Variants in CDCA2 observed in about 807,000 individuals in gnomAD.
CDCA2 encodes cell division cycle-associated protein 2.
CDCA2 carries 44 observed loss-of-function variants against 67.0 expected under a neutral mutation model. The ratio of observed to expected loss-of-function variants is 0.66; its 90% CI spans 0.52 to 0.84. CDCA2 has a LOEUF of 0.84. CDCA2 is among the 40% of genes least tolerant of loss of function. CDCA2 has a pLI of 0.00. For missense variants in CDCA2, 1,253 were observed against 1,203.2 expected (o/e 1.04, Z -0.61); for synonymous variants, 447 against 418.7 (o/e 1.07, Z -0.82).
chr8:25,507,289 G>C lies in CDCA2; in HGVS notation c.2623G>C (p.Asp875His). ...ENSELFKDLS[D>H]AIEQTFQRRN... is the part of the protein sequence containing the mutation. ...TTCTGAACTGTTTAAAGATTTGTCT[G>C]ATGCCATTGAGCAAACCTTTCAGAG... The change falls in exon 15 of 15, where the codon GAT becomes CAT. Residue 875 changes from aspartate (D) to histidine (H), a missense_variant. By Grantham distance (81) the Asp-to-His change is moderately conservative. Coordinates refer to ENST00000330560, the MANE Select transcript of CDCA2 (RefSeq NM_152562.4). The C allele has an allele frequency of 1.2e-6, 2 of 1,614,164 alleles. No homozygotes were observed. The highest frequency in any genetic ancestry group is 1.3e-5 in the African/African-American group (1 of 75,068).
intron 13 of CDCA2, among the ~76,000 whole-genome samples, chr8:25,499,109 G>A (rs1253864450): frequency 1.1e-4 from 16 of 151,934 alleles, no homozygotes; most frequent in African/African-American, 3.6e-4. Flanking sequence ...TACTTTTTGG[G>A]TGTTTGAAAT....
intron 13 of CDCA2, among the ~76,000 whole-genome samples, chr8:25,501,254 A>G (rs1355157346): frequency 1.3e-5 from 2 of 152,184 alleles, no homozygotes; most frequent in Non-Finnish European, 2.9e-5. Context: ...TTTCCGTGGA[A>G]TGTTTTGTTT....
At chr8:25,464,177 G>A (rs1258532903) in intron 4 of CDCA2, among the ~76,000 whole-genome samples, 4 of 152,216 alleles carry the variant, frequency 2.6e-5, no homozygotes, top group Admixed American at 2.6e-4. Flanking sequence ...ACTTTGAGAA[G>A]CAAAGGAGGG....
intron 7 of CDCA2, among the ~76,000 whole-genome samples, chr8:25,477,601 T>C (rs550219558): frequency 6.6e-5 from 10 of 152,320 alleles, no homozygotes; most frequent in African/African-American, 2.4e-4. Context: ...ACACTTCTGA[T>C]CCCAAGCATT....
intron 10 of CDCA2, among the ~76,000 whole-genome samples, chr8:25,485,180 T>TATAACA (rs140088408): frequency 8.8e-6 from 1 of 113,906 alleles, no homozygotes; most frequent in Admixed American, 1.0e-4. Flanking sequence ...AAACTTAAAG[T>TATAACA]ATAATAATAA....
At chr8:25,485,616 G>T in intron 10 of CDCA2, 143 bp from the exon 11 acceptor site, 1 of 489,204 alleles carries the variant, frequency 2.0e-6, no homozygotes, top group East Asian at 3.3e-5. Flanking sequence ...GTTTTGCTTT[G>T]AATTTTAGAA....
chr8:25,506,378 G>C (rs1307763981), intron 14 of CDCA2, 132 bp from the exon 15 acceptor site: 1 of 737,882 alleles, frequency 1.4e-6, no homozygotes, highest in Non-Finnish European at 2.1e-6. Context: ...GGCAAGCACA[G>C]TGTAACATTT....
At chr8:25,504,219 A>G (rs1179901765) in intron 14 of CDCA2, among the ~76,000 whole-genome samples, 1 of 152,020 alleles carries the variant, frequency 6.6e-6, no homozygotes, top group Non-Finnish European at 1.5e-5. Context: ...TAAAAAATGG[A>G]CTGGAATTGT....
chr8:25,491,092 G>A (rs1156739391), intron 13 of CDCA2, among the ~76,000 whole-genome samples: 2 of 152,032 alleles, frequency 1.3e-5, no homozygotes, highest in Non-Finnish European at 2.9e-5. Flanking sequence ...CTATGAAAAA[G>A]GAATTGCAAA....
intron 13 of CDCA2, among the ~76,000 whole-genome samples, chr8:25,489,244 A>G (rs1803907330): frequency 6.6e-6 from 1 of 151,838 alleles, no homozygotes; most frequent in Admixed American, 6.6e-5. Context: ...AAAGCCACCT[A>G]CTCACTCTTG....
chr8:25,495,315 A>T (rs1037263285), intron 13 of CDCA2, among the ~76,000 whole-genome samples: 1 of 152,230 alleles, frequency 6.6e-6, no homozygotes, highest in Non-Finnish European at 1.5e-5. Flanking sequence ...AACAATCTCT[A>T]ATAAGCGAAA....
intron 7 of CDCA2, among the ~76,000 whole-genome samples, chr8:25,470,316 G>A (rs1253861283): frequency 6.6e-6 from 1 of 152,178 alleles, no homozygotes; most frequent in Non-Finnish European, 1.5e-5. Context: ...TTACCAGGAT[G>A]TAAAAATTAT....
At chr8:25,466,113 G>A in intron 4 of CDCA2, 62 bp from the exon 5 acceptor site, 1 of 1,473,898 alleles carries the variant, frequency 6.8e-7, no homozygotes, top group South Asian at 1.3e-5. Flanking sequence ...ATGGCTGTAG[G>A]CCTAGAATAT....
chr8:25,501,505 A>G (rs1301201713), intron 13 of CDCA2, among the ~76,000 whole-genome samples: 1 of 152,206 alleles, frequency 6.6e-6, no homozygotes, highest in Non-Finnish European at 1.5e-5. Context: ...GGGCCGGGCC[A>G]TGTCTTGCTG....
intron 8 of CDCA2, 147 bp from the exon 9 acceptor site, chr8:25,483,252 G>A: frequency 2.1e-6 from 1 of 466,752 alleles, no homozygotes; most frequent in East Asian, 3.5e-5. Context: ...ATGGTTTTGA[G>A]CCAGAACAAT....
rs552242697 is a variant in CDCA2, at chr8:25,490,417, C to T, written c.1671+1728C>T. ...ATGAGGAGGGGTATTGAGAAGCCGA[C>T]GACAGCCTTCAATGAATTTCTAGAA... On this transcript the variant is annotated intron_variant, in intron 13 of 14. Transcript: ENST00000330560. Among the ~76,000 whole-genome samples the T allele has an allele frequency of 1.3e-5, 2 of 151,598 alleles. 1 individual carries two copies. Among genetic ancestry groups the T allele is most frequent in the Middle Eastern group, 6.8e-3 (2 of 294 alleles).
Position 25,507,024 on chromosome 8 carries a change from A to G in CDCA2, c.2358A>G (p.Ser786=), listed in dbSNP as rs2117561061. 6.2e-7 allele frequency: 1 copy of G among 1,614,104 alleles called. No homozygotes were observed. The highest frequency in any genetic ancestry group is 1.7e-5 in the Admixed American group (1 of 60,018). Residue 786 remains serine, a synonymous_variant, in exon 15 of 15, where the codon TCA becomes TCG. Coordinates refer to ENST00000330560, the MANE Select transcript of CDCA2 (RefSeq NM_152562.4). ...AATGCAATCGTTTAATGCCTAATTC[A>G]CAAAAAGACTGTCATTGTTTAGGAG... The part of the protein sequence containing the change: ...KLQCNRLMPN[S]QKDCHCLGDV...
chr8:25,467,505 G>T (rs1390036088), intron 5 of CDCA2, among the ~76,000 whole-genome samples: 6 of 151,476 alleles, frequency 4.0e-5, no homozygotes, highest in African/African-American at 1.5e-4. Context: ...TTTTTAGCTA[G>T]AAAAAAACAG....
intron 13 of CDCA2, 69 bp from the exon 14 acceptor site, chr8:25,503,304 G>T: frequency 8.2e-7 from 1 of 1,218,974 alleles, no homozygotes; most frequent in Non-Finnish European, 1.2e-6. Context: ...AAAATAACTA[G>T]TTAAAGGGTC....
Sources: gnomAD v4.1 joint callset for allele counts (sites outside exome capture counted in the v4.1 genomes callset) on GRCh38, gnomAD v4.1.1 for gene constraint, MANE v1.5 for transcripts, NCBI Gene and HGNC (gene_info 2026-07-23, HGNC 2026-07-21) for gene names.